The following OSBP variants were observed in gnomAD, a reference collection of about 807,000 sequenced individuals.
OSBP encodes the protein oxysterol binding protein, also known as oxysterol-binding protein 1.
Under a neutral mutation model 96.6 loss-of-function variants are expected in OSBP, and 32 were observed. The ratio of observed to expected loss-of-function variants is 0.33; its 90% CI spans 0.25 to 0.45. The LOEUF (loss-of-function observed/expected upper bound fraction) is 0.45, where lower values mean the gene tolerates loss of function less well. OSBP is among the 20% of genes least tolerant of loss of function. The probability of loss-of-function intolerance (pLI) is 1.00; values close to 1 mark genes in which losing one functional copy is unlikely to be tolerated. For synonymous variants in OSBP, 369 were observed against 389.6 expected (o/e 0.95, Z 0.62); for missense variants, 653 against 1,029.7 (o/e 0.63, Z 5.01).
rs566418356 is a variant in OSBP, at chr11:59,601,819, A to G, written c.842T>C (p.Met281Thr). ...TTTTTTACTATGGGTCTGGGCTAAC[A>G]TGAGGAAATCTCTGCAGGCCTGTAT... ...AMINACRDFL[M>T]LAQTHSKKWQ... is the part of the protein sequence containing the mutation. Residue 281 changes from methionine to threonine, a missense_variant, in exon 4 of 14, where the codon ATG becomes ACG. By Grantham distance (81) the Met-to-Thr change is moderately conservative. Coordinates refer to ENST00000263847, the MANE Select transcript of OSBP (RefSeq NM_002556.3). The G allele has an allele frequency of 1.1e-5, 17 of 1,614,142 alleles. No homozygotes were observed. The African/African-American group carries it at 1.9e-4, about 18-fold the overall frequency.
intron 7 of OSBP, among the ~76,000 whole-genome samples, chr11:59,599,725 G>A (rs1450094417): frequency 6.6e-6 from 1 of 152,168 alleles, no homozygotes; most frequent in Admixed American, 6.5e-5. Context: ...AGTGGCAAGT[G>A]TTAATAGGGA....
chr11:59,604,187 G>A (rs1363745603), intron 3 of OSBP, among the ~76,000 whole-genome samples: 1 of 152,120 alleles, frequency 6.6e-6, no homozygotes, highest in African/African-American at 2.4e-5. Flanking sequence ...ACCTCAAAGA[G>A]TCGTTGTTTT....
chr11:59,589,782 AGACCAGCCTGGTC>A (rs1188801470), intron 9 of OSBP, among the ~76,000 whole-genome samples: 1 of 151,684 alleles, frequency 6.6e-6, no homozygotes, highest in Non-Finnish European at 1.5e-5. Context: ...CAGGAGTTTG[AGACCAGCCTGGTC>A]GACATGGTGA....
At chr11:59,602,938 C>T (rs1340161457) in intron 3 of OSBP, among the ~76,000 whole-genome samples, 3 of 152,154 alleles carry the variant, frequency 2.0e-5, no homozygotes, top group Admixed American at 6.5e-5. Flanking sequence ...AGATTTCTTT[C>T]AGGCCTACAT....
Position 59,608,633 on chromosome 11 carries a change from T to G in OSBP, c.673A>C (p.Asn225His), listed in dbSNP as rs1860810995. 1 of 1,614,190 alleles carries G rather than the reference T, an allele frequency of 6.2e-7. No homozygotes were observed. Among genetic ancestry groups the G allele is most frequent in the Non-Finnish European group, 8.5e-7 (1 of 1,180,034 alleles). ...GTGCCATGCTTAGCTATCAAGTCAT[T>G]GCACGTGCTCAAGTCCTCTACTTTG... is the stretch of plus-strand genomic sequence containing the variant. ...SSKVEDLSTC[N>H]DLIAKHGTAL... Residue 225 changes from asparagine (N) to histidine (H), a missense_variant, in exon 3 of 14, where the codon AAT (asparagine) becomes CAT (histidine). Asn to His is a moderately conservative substitution (Grantham distance 68). Transcript: ENST00000263847.
At chr11:59,610,351 T>C (rs775559185) in intron 2 of OSBP, 30 bp downstream of exon 2, 10 of 1,595,916 alleles carry the variant, frequency 6.3e-6, no homozygotes, top group Non-Finnish European at 8.6e-6. Context: ...AAAAAGAAAG[T>C]TCCCCAGGCA....
Position 59,601,359 on chromosome 11 carries a change from T to C in OSBP, c.1048A>G (p.Met350Val). Residue 350 changes from methionine to valine, a missense_variant, in exon 5 of 14, where the codon ATG becomes GTG. Coordinates refer to ENST00000263847, the MANE Select transcript of OSBP (RefSeq NM_002556.3). ...TCATTCTCATCATCTTCATCGCTCA[T>C]GTCCCCTTTGCCAGAGCAGCACTGA... The part of the protein sequence containing the change: ...KDQCCSGKGD[M>V]SDEDDENEFF... 6.2e-7 allele frequency: 1 copy of C among 1,612,792 alleles called. No individual in the cohort carries two copies. The highest frequency in any genetic ancestry group is 8.5e-7 in the Non-Finnish European group (1 of 1,178,776).
intron 1 of OSBP, among the ~76,000 whole-genome samples, chr11:59,613,055 A>G (rs1860871687): frequency 1.3e-5 from 2 of 152,268 alleles, no homozygotes; most frequent in Admixed American, 1.3e-4. Flanking sequence ...TATGAAAAGC[A>G]GGAGGAATGA....
Position 59,601,985 on chromosome 11 carries a change from G to C in OSBP, c.823-147C>G, listed in dbSNP as rs142716414. The C allele has an allele frequency of 3.3e-4, 221 of 670,794 alleles. No homozygotes were observed. The African/African-American group carries it at 3.6e-3, about 11-fold the overall frequency. 41.6% of individuals were successfully genotyped at this position (670,794 alleles called of 1,614,324 possible). A position where few individuals can be genotyped will look rare whatever the true frequency, so the allele number is the denominator to read the frequency against. On this transcript the variant is annotated intron_variant, in intron 3 of 13. Coordinates refer to ENST00000263847, the MANE Select transcript of OSBP (RefSeq NM_002556.3). Reference sequence around the variant, plus strand: ...TTTCCCTTTTATGCCAAGGTATCAGGGACAGCTAGCTCCACGCTGAAATCA... The same window carrying C: ...TTTCCCTTTTATGCCAAGGTATCAGCGACAGCTAGCTCCACGCTGAAATCA...
intron 7 of OSBP, 85 bp from the exon 8 acceptor site, chr11:59,594,340 T>C (rs892216074): frequency 5.4e-5 from 74 of 1,363,816 alleles, no homozygotes; most frequent in Non-Finnish European, 7.4e-5. Flanking sequence ...AGGAAATAAA[T>C]CACTGGGAAA....
intron 1 of OSBP, among the ~76,000 whole-genome samples, chr11:59,614,878 C>T (rs1485783413): frequency 6.6e-6 from 1 of 152,240 alleles, no homozygotes; most frequent in Non-Finnish European, 1.5e-5. Context: ...GCACTGACAG[C>T]TACAACTTGG....
chr11:59,600,724 T>C, intron 6 of OSBP, 95 bp downstream of exon 6: 1 of 1,502,470 alleles, frequency 6.7e-7, no homozygotes, highest in Non-Finnish European at 9.0e-7. Context: ...GAAAAAAAAA[T>C]CAGTTTCTCT....
At chr11:59,613,985 G>A (rs1296416650) in intron 1 of OSBP, among the ~76,000 whole-genome samples, 1 of 152,170 alleles carries the variant, frequency 6.6e-6, no homozygotes, top group Non-Finnish European at 1.5e-5. Context: ...GAAATATAGA[G>A]TGAGCTGCTC....
At chr11:59,587,238 C>T (rs557525513) in intron 9 of OSBP, among the ~76,000 whole-genome samples, 2 of 152,244 alleles carry the variant, frequency 1.3e-5, no homozygotes, top group East Asian at 1.9e-4. Context: ...CGGCAGCTCA[C>T]GCCTGTAATC....
rs768158280 is a variant in OSBP at position 59,576,712 on chromosome 11, T to C, written c.2289A>G (p.Pro763=). Residue 763 remains proline (P), a synonymous_variant, in exon 14 of 14, where the codon CCA becomes CCG. Transcript: ENST00000263847. ...EAMKATEDGT[P]YDPYKALWFE... Reference sequence around the variant, plus strand: ...ACCACAGTGCCTTATAGGGATCATATGGTGTGCCTAAAAGGAAAAGAGAGG... The same window carrying C: ...ACCACAGTGCCTTATAGGGATCATACGGTGTGCCTAAAAGGAAAAGAGAGG... 9.3e-6 allele frequency: 15 copies of C among 1,613,122 alleles called. No individual in the cohort carries two copies. The highest frequency in any genetic ancestry group is 6.7e-5 in the East Asian group (3 of 44,888).
In OSBP at chr11:59,603,246, C is replaced by T. The variant is rs983621744; in HGVS notation, c.823-1408G>A. Among the ~76,000 whole-genome samples, 3 of 152,152 alleles carry T rather than the reference C, an allele frequency of 2.0e-5. No individual in the cohort carries two copies. In the East Asian group the frequency reaches 5.8e-4, roughly 29 times the overall value. The stretch of plus-strand genomic sequence containing the variant: ...AGATCTCCAGCTCCTAATTTAGTTG[C>T]TCTGTACATAATAGGGATCTGATAA... On this transcript the variant is annotated intron_variant, in intron 3 of 13. Coordinates refer to ENST00000263847, the MANE Select transcript of OSBP (RefSeq NM_002556.3).
intron 9 of OSBP, among the ~76,000 whole-genome samples, chr11:59,588,073 C>T (rs192985710): frequency 7.9e-5 from 12 of 152,274 alleles, no homozygotes; most frequent in Admixed American, 7.8e-4. Context: ...GAAATTCTGA[C>T]ATTTGCTACA....
At chr11:59,594,688 T>C (rs1275233535) in intron 7 of OSBP, among the ~76,000 whole-genome samples, 2 of 152,268 alleles carry the variant, frequency 1.3e-5, no homozygotes, top group African/African-American at 4.8e-5. Context: ...TAAGTACAGC[T>C]ATATCCTGAC....
chr11:59,577,104 G>A, intron 12 of OSBP, 79 bp from the exon 13 acceptor site: 2 of 1,129,020 alleles, frequency 1.8e-6, no homozygotes, highest in Non-Finnish European at 2.6e-6. Flanking sequence ...TAAGTACACT[G>A]CCAAGGCCAC....
Sources: allele counts gnomAD v4.1 joint callset (sites outside exome capture counted in the v4.1 genomes callset), GRCh38; gene constraint gnomAD v4.1.1; transcripts MANE v1.5; gene names NCBI Gene and HGNC (gene_info 2026-07-23, HGNC 2026-07-21).